The following NOL4 variants were observed in gnomAD, a reference collection of about 807,000 sequenced individuals.
The protein encoded by NOL4 is cancer/testis antigen 125.
In NOL4, 17 loss-of-function variants were observed where a neutral mutation model predicts 75.9. The ratio of observed to expected loss-of-function variants is 0.22; its 90% confidence interval spans 0.15 to 0.34. The LOEUF is 0.34. NOL4 is among the 10% of genes least tolerant of loss of function. NOL4 has a pLI of 1.00. For synonymous variants in NOL4, 292 were observed against 289.9 expected, an observed-to-expected ratio of 1.01 and a Z score of -0.07; for missense variants, 614 against 793.5, an observed-to-expected ratio of 0.77 and a Z score of 2.72.
intron 9 of NOL4, among the ~76,000 whole-genome samples, chr18:33,939,177 T>TA (rs1254936172): frequency 7.2e-5 from 11 of 152,264 alleles, no homozygotes; most frequent in Admixed American, 5.2e-4. Context: ...TTGGTTACTG[T>TA]AGCCTTGTAG....
At chr18:33,872,876 T>G (rs1354550791) in intron 10 of NOL4, among the ~76,000 whole-genome samples, 3 of 151,998 alleles carry the variant, frequency 2.0e-5, no homozygotes. Context: ...GGAAAATACT[T>G]TAAGTCAGGT....
At chr18:34,038,779 G>T (rs1252043228) in intron 5 of NOL4, among the ~76,000 whole-genome samples, 1 of 151,788 alleles carries the variant, frequency 6.6e-6, no homozygotes, top group East Asian at 1.9e-4. Context: ...TGGATGAGTG[G>T]GTATAAACTT....
rs2077824728 is a variant in NOL4 at position 34,077,975 on chromosome 18, A to T, written c.772+15490T>A. Among the ~76,000 whole-genome samples, 3 of 152,176 alleles carry T rather than the reference A, an allele frequency of 2.0e-5. No homozygotes were observed. In the South Asian group the frequency reaches 6.2e-4, roughly 31 times the overall value. On this transcript the variant is annotated intron_variant, in intron 5 of 10. Transcript: ENST00000261592. ...TAACCACAAACTAACAAATAAAATA[A>T]TTTTTACACCTAAGAAAAGTCCTTA...
chr18:34,064,046 T>C (rs1221206005), intron 5 of NOL4, among the ~76,000 whole-genome samples: 1 of 151,976 alleles, frequency 6.6e-6, no homozygotes, highest in Non-Finnish European at 1.5e-5. Context: ...TTAGAAATAA[T>C]TAACAATTAT....
Position 33,941,299 on chromosome 18 carries a change from T to C in NOL4, c.1542+1766A>G, listed in dbSNP as rs79179062. ...GTGATATTATAGGTAGTATATAATA[T>C]GAATAAGTCATTTAATTTTTATAAC... On this transcript the variant is annotated intron_variant, in intron 9 of 10. Coordinates refer to ENST00000261592, the MANE Select transcript of NOL4 (RefSeq NM_003787.5). Among the ~76,000 whole-genome samples, 8 of 152,046 alleles carry C rather than the reference T, an allele frequency of 5.3e-5. No individual in the cohort carries two copies. In the East Asian group the frequency reaches 1.4e-3, roughly 26 times the overall value.
chr18:33,914,002 G>T (rs1372671893), intron 9 of NOL4, among the ~76,000 whole-genome samples: 1 of 152,112 alleles, frequency 6.6e-6, no homozygotes, highest in Non-Finnish European at 1.5e-5. Flanking sequence ...ATAGCACGAA[G>T]TGCCTTCTCT....
intron 5 of NOL4, among the ~76,000 whole-genome samples, chr18:34,073,913 CA>C (rs1266184746): frequency 6.6e-6 from 1 of 151,650 alleles, no homozygotes; most frequent in Non-Finnish European, 1.5e-5. Flanking sequence ...AATGTCTAAC[CA>C]AAAAATGTGG....
At chr18:33,979,601 A>AT (rs959772753) in intron 6 of NOL4, among the ~76,000 whole-genome samples, 306 of 149,392 alleles carry the variant, frequency 2.0e-3, no homozygotes, top group African/African-American at 6.4e-3. Context: ...GGAACTTAGA[A>AT]TTTTTTTTTT....
intron 5 of NOL4, chr18:34,023,409 A>T (rs775782482): frequency 4.4e-6 from 2 of 456,076 alleles, no homozygotes; most frequent in South Asian, 3.1e-5. Flanking sequence ...ATATCAGGTC[A>T]TCACTTTAAA....
rs187175203 is a variant in NOL4, at chr18:34,073,447, C to A, written c.772+20018G>T. Among the ~76,000 whole-genome samples, 76 of 152,074 alleles carry A rather than the reference C, an allele frequency of 5.0e-4. No homozygotes were observed. The East Asian group carries it at 0.013, about 26-fold the overall frequency. ...ATGTAGTATTTGCATATAACCTATG[C>A]ACATACTCCAGTATACTTTAAATCA... is the stretch of plus-strand genomic sequence containing the variant. On this transcript the variant is annotated intron_variant, in intron 5 of 10. Coordinates refer to ENST00000261592, the MANE Select transcript of NOL4 (RefSeq NM_003787.5).
intron 1 of NOL4, among the ~76,000 whole-genome samples, chr18:34,139,263 T>A (rs2081036189): frequency 6.6e-6 from 1 of 152,342 alleles, no homozygotes; most frequent in African/African-American, 2.4e-5. Flanking sequence ...TACCAGCTCC[T>A]CCTTGTACCT....
At chr18:33,861,199 A>G (rs2063106700) in intron 10 of NOL4, among the ~76,000 whole-genome samples, 1 of 152,190 alleles carries the variant, frequency 6.6e-6, no homozygotes, top group South Asian at 2.1e-4. Context: ...GAATAGTTTC[A>G]GAAGGAATGG....
chr18:33,919,619 G>C (rs1262235054), intron 9 of NOL4, among the ~76,000 whole-genome samples: 3 of 152,112 alleles, frequency 2.0e-5, no homozygotes, highest in Admixed American at 6.5e-5. Flanking sequence ...ATAATTTAAG[G>C]CTTGTTTAGC....
chr18:34,217,349 A>C (rs2036967752), intron 1 of NOL4, among the ~76,000 whole-genome samples: 1 of 151,448 alleles, frequency 6.6e-6, no homozygotes, highest in Admixed American at 6.6e-5. Flanking sequence ...CAATGGTGCG[A>C]TCTCGGCTCA....
At chr18:34,136,717 G>A (rs776817238) in intron 1 of NOL4, among the ~76,000 whole-genome samples, 8 of 152,052 alleles carry the variant, frequency 5.3e-5, no homozygotes, top group South Asian at 2.1e-4. Context: ...TACACCTTAC[G>A]TTTATAGACT....
chr18:33,962,589 G>T (rs749095595), intron 6 of NOL4, among the ~76,000 whole-genome samples: 12 of 152,088 alleles, frequency 7.9e-5, no homozygotes, highest in Non-Finnish European at 1.6e-4. Context: ...AACTAGAACA[G>T]ATCTCTGACA....
In NOL4 at chr18:34,060,336, C is replaced by T. The variant is rs1043261220; in HGVS notation, c.772+33129G>A. ...AAACACAGGATTGTGTTTACTCTTT[C>T]AATTTTGAACTAGTTTTTAATGATA... On this transcript the variant is annotated intron_variant, in intron 5 of 10. Transcript: ENST00000261592. Among the ~76,000 whole-genome samples the T allele has an allele frequency of 4.6e-5, 7 of 152,162 alleles. No individual in the cohort carries two copies. In the South Asian group the frequency reaches 1.2e-3, roughly 27 times the overall value.
chr18:34,021,290 T>C (rs2075022909), intron 5 of NOL4, among the ~76,000 whole-genome samples: 1 of 152,180 alleles, frequency 6.6e-6, no homozygotes, highest in Non-Finnish European at 1.5e-5. Context: ...AAGAAGGTGA[T>C]ATGAGTTGAA....
rs777654668 is a variant in NOL4, at chr18:33,853,006, A to G, written c.1753T>C (p.Leu585=). The part of the protein sequence containing the change: ...GPTDLSMKRQ[L]ATSSGSSSSS... ...CTGGAGGATCCTGAGCTAGTCGCCA[A>G]TTGTCTCTTCATGCTGAGATCAGTG... The change falls in exon 11 of 11, where the codon TTG becomes CTG. Residue 585 remains leucine, a synonymous_variant. Transcript: ENST00000261592. 4.3e-6 allele frequency: 7 copies of G among 1,612,638 alleles called. No homozygotes were observed. The South Asian group carries it at 4.4e-5, about 10-fold the overall frequency.
Sources: allele counts gnomAD v4.1 joint callset (sites outside exome capture counted in the v4.1 genomes callset), GRCh38; gene constraint gnomAD v4.1.1; transcripts MANE v1.5; gene names NCBI Gene and HGNC (gene_info 2026-07-23, HGNC 2026-07-21).